SEC14L1: variants seen among roughly 807,000 people sequenced by gnomAD.
The protein encoded by SEC14L1 is SEC14 like lipid binding 1.
Under a neutral mutation model 85.3 loss-of-function variants are expected in SEC14L1, and 48 were observed. That is an observed-to-expected ratio of 0.56 (90% CI 0.45 to 0.72). The LOEUF (loss-of-function observed/expected upper bound fraction) is 0.72. Ranked by LOEUF, SEC14L1 falls within the 30% of genes least tolerant of loss-of-function variation. The pLI is 0.00. For synonymous variants in SEC14L1, 391 were observed against 355.5 expected (o/e 1.10, Z -1.12); for missense variants, 682 against 921.4 (o/e 0.74, Z 3.36).
chr17:77,155,203 G>A (rs1746231019), intron 3 of SEC14L1, among the ~76,000 whole-genome samples: 1 of 152,024 alleles, frequency 6.6e-6, no homozygotes. Flanking sequence ...CAAACTCCAA[G>A]CCAGGTGTCT....
At chr17:77,151,265 G>A (rs1362564393) in intron 3 of SEC14L1, among the ~76,000 whole-genome samples, 9 of 152,176 alleles carry the variant, frequency 5.9e-5, no homozygotes, top group Admixed American at 5.2e-4. Context: ...TGCTGCCCTC[G>A]TTTGTAAAGT....
chr17:77,180,406 G>T (rs1258090161), intron 3 of SEC14L1, among the ~76,000 whole-genome samples: 1 of 151,518 alleles, frequency 6.6e-6, no homozygotes, highest in Non-Finnish European at 1.5e-5. Flanking sequence ...TTTAATTTTA[G>T]TATTGTCATT....
chr17:77,210,809 AG>A (rs1976711227), intron 14 of SEC14L1: 1 of 152,152 alleles, frequency 6.6e-6, no homozygotes, highest in Admixed American at 6.5e-5. Flanking sequence ...CTTGGGGTGC[AG>A]TGTGTTTCGT....
intron 3 of SEC14L1, among the ~76,000 whole-genome samples, chr17:77,156,293 G>A (rs931962734): frequency 3.9e-5 from 6 of 152,074 alleles, no homozygotes; most frequent in Non-Finnish European, 7.4e-5. Flanking sequence ...TAGATTTCTC[G>A]GCCAGGCACG....
At chr17:77,188,372 T>C (rs1050314692) in intron 3 of SEC14L1, among the ~76,000 whole-genome samples, 17 of 150,992 alleles carry the variant, frequency 1.1e-4, no homozygotes, top group African/African-American at 3.4e-4. Flanking sequence ...TTTTCAAGAG[T>C]GTTATGGACA....
intron 3 of SEC14L1, among the ~76,000 whole-genome samples, chr17:77,108,123 A>G (rs189821444): frequency 6.6e-6 from 1 of 151,116 alleles, no homozygotes; most frequent in Non-Finnish European, 1.5e-5. Flanking sequence ...ACACGGACTT[A>G]GATTCTCCCC....
intron 3 of SEC14L1, among the ~76,000 whole-genome samples, chr17:77,104,509 T>C (rs1238423533): frequency 6.8e-6 from 1 of 146,264 alleles, no homozygotes; most frequent in Non-Finnish European, 1.5e-5. Context: ...TTTATGTTTT[T>C]GGCCTGGTGT....
rs550990039 is a variant in SEC14L1, at chr17:77,144,253, TATAAC to T, written c.63+598_63+602del. ...TTTCTCTTTTGTGTTATTATTAAGA[TATAAC>T]ATACATACCAGAAAATATAATACAG... On this transcript the variant is annotated intron_variant, in intron 3 of 16. Coordinates refer to ENST00000436233, the MANE Select transcript of SEC14L1 (RefSeq NM_001143998.2). Among the ~76,000 whole-genome samples, 10 of 152,336 alleles carry T rather than the reference TATAAC, an allele frequency of 6.6e-5. No individual in the cohort carries two copies. In the East Asian group the frequency reaches 9.6e-4, roughly 15 times the overall value.
chr17:77,095,827 A>G (rs571846138), intron 3 of SEC14L1, among the ~76,000 whole-genome samples: 7 of 152,146 alleles, frequency 4.6e-5, no homozygotes, highest in African/African-American at 1.4e-4. Flanking sequence ...AAAAAAAAAA[A>G]ATTAACTAAT....
intron 3 of SEC14L1, among the ~76,000 whole-genome samples, chr17:77,104,658 G>T (rs191238817): frequency 6.6e-6 from 1 of 151,004 alleles, no homozygotes; most frequent in African/African-American, 2.4e-5. Context: ...GGGCCTGGTG[G>T]CAGGCACCTG....
chr17:77,126,770 C>T (rs982322748), intron 3 of SEC14L1, among the ~76,000 whole-genome samples: 1 of 152,154 alleles, frequency 6.6e-6, no homozygotes, highest in Non-Finnish European at 1.5e-5. Context: ...CCTTGCCCTT[C>T]CCTTGGCATT....
chr17:77,118,840 G>A (rs1298894570), intron 3 of SEC14L1, among the ~76,000 whole-genome samples: 1 of 152,166 alleles, frequency 6.6e-6, no homozygotes, highest in East Asian at 1.9e-4. Context: ...CTGGCAAAGT[G>A]ATCCCAAGAG....
intron 3 of SEC14L1, among the ~76,000 whole-genome samples, chr17:77,108,252 C>G (rs1187608601): frequency 6.6e-6 from 1 of 152,190 alleles, no homozygotes; most frequent in African/African-American, 2.4e-5. Context: ...CTTTCCCCAT[C>G]CAGAGTCCCG....
At chr17:77,092,809 G>A (rs561086209) in intron 2 of SEC14L1, among the ~76,000 whole-genome samples, 1 of 152,212 alleles carries the variant, frequency 6.6e-6, no homozygotes, top group South Asian at 2.1e-4. Context: ...TTAGCTGGGC[G>A]TGGTGGCACA....
chr17:77,096,719 G>A (rs1971657908), intron 3 of SEC14L1, among the ~76,000 whole-genome samples: 2 of 152,164 alleles, frequency 1.3e-5, no homozygotes, highest in Admixed American at 1.3e-4. Flanking sequence ...TTTGGGTTTT[G>A]GGGCTTTTTT....
intron 8 of SEC14L1, among the ~76,000 whole-genome samples, chr17:77,197,393 G>A (rs1049001707): frequency 3.9e-5 from 6 of 152,302 alleles, no homozygotes; most frequent in South Asian, 2.1e-4. Context: ...AGATTCCTGC[G>A]TGTTAGTCAG....
Position 77,214,589 on chromosome 17 carries a change from C to T in SEC14L1, c.*566C>T. On this transcript the variant is annotated 3_prime_UTR_variant, in exon 17 of 17. Transcript: ENST00000436233. ...GAGGTTGCCTGCGGAGTACCTTGTCCCAGGGCCAGACACACCCACACCACC... is the reference window on the plus strand; with the variant it reads ...GAGGTTGCCTGCGGAGTACCTTGTCTCAGGGCCAGACACACCCACACCACC... The T allele has an allele frequency of 1.0e-6, 1 of 987,922 alleles. No homozygotes were observed. The highest frequency in any genetic ancestry group is 4.7e-5 in the South Asian group (1 of 21,500). 61.2% of individuals were successfully genotyped at this position (987,922 alleles called of 1,614,324 possible).
chr17:77,196,058 G>T, intron 7 of SEC14L1, 144 bp from the exon 8 acceptor site: 1 of 626,570 alleles, frequency 1.6e-6, no homozygotes, highest in Non-Finnish European at 2.9e-6. Flanking sequence ...GTCCTCTAAG[G>T]AATCTGGTTT....
intron 3 of SEC14L1, among the ~76,000 whole-genome samples, chr17:77,112,582 ATGAAT>A (rs1243617193): frequency 6.6e-6 from 1 of 152,128 alleles, no homozygotes; most frequent in Non-Finnish European, 1.5e-5. Context: ...AGTTACAAAG[ATGAAT>A]TGAAAAGTAT....
Sources: gnomAD v4.1 joint callset for allele counts (sites outside exome capture counted in the v4.1 genomes callset) on GRCh38, gnomAD v4.1.1 for gene constraint, MANE v1.5 for transcripts, NCBI Gene and HGNC (gene_info 2026-07-23, HGNC 2026-07-21) for gene names.